The following MCTP1 variants were observed in gnomAD, a reference collection of about 807,000 sequenced individuals.
The protein encoded by MCTP1 is multiple C2 and transmembrane domain-containing protein 1.
MCTP1 carries 69 observed loss-of-function variants against 120.6 expected under a neutral mutation model. The ratio of observed to expected loss-of-function variants is 0.57; its 90% confidence interval spans 0.47 to 0.70. The LOEUF (loss-of-function observed/expected upper bound fraction) is 0.70. Ranked by LOEUF, MCTP1 falls within the 30% of genes least tolerant of loss-of-function variation. The pLI is 0.00. For synonymous variants in MCTP1, 529 were observed against 493.1 expected, an observed-to-expected ratio of 1.07 and a Z score of -0.96; for missense variants, 1,203 against 1,248.8, an observed-to-expected ratio of 0.96 and a Z score of 0.55.
chr5:94,731,708 G>A (rs1228723776), intron 19 of MCTP1, among the ~76,000 whole-genome samples: 1 of 152,100 alleles, frequency 6.6e-6, no homozygotes, highest in Non-Finnish European at 1.5e-5. Context: ...CCAGTATTAT[G>A]AATTAGATGA....
chr5:94,898,451 C>A (rs993613637), intron 10 of MCTP1, among the ~76,000 whole-genome samples: 1 of 152,166 alleles, frequency 6.6e-6, no homozygotes, highest in Non-Finnish European at 1.5e-5. Flanking sequence ...GCATTTGCTA[C>A]CCCCTCATAA....
At chr5:95,142,982 T>C (rs1435215841) in intron 1 of MCTP1, among the ~76,000 whole-genome samples, 9 of 152,128 alleles carry the variant, frequency 5.9e-5, no homozygotes, top group African/African-American at 1.4e-4. Context: ...AAATAAAATA[T>C]ACTGTTTTTT....
chr5:94,837,809 G>C (rs556244062), intron 17 of MCTP1, among the ~76,000 whole-genome samples: 67 of 152,270 alleles, frequency 4.4e-4, no homozygotes, highest in Admixed American at 6.5e-4. Context: ...CCCTACTAAG[G>C]CTCCCAGGTC....
chr5:94,995,311 GGGCCCAAGAATTCACAA>G (rs1256587474), intron 2 of MCTP1, among the ~76,000 whole-genome samples: 1 of 152,100 alleles, frequency 6.6e-6, no homozygotes, highest in African/African-American at 2.4e-5. Context: ...GTCTGGGATG[GGGCCCAAGAATTCACAA>G]GTGTGGGTAC....
chr5:95,067,694 T>G (rs578228857), intron 1 of MCTP1, among the ~76,000 whole-genome samples: 1 of 152,188 alleles, frequency 6.6e-6, no homozygotes, highest in Admixed American at 6.5e-5. Flanking sequence ...AATAATTGTA[T>G]GTATTTATGG....
intron 1 of MCTP1, among the ~76,000 whole-genome samples, chr5:95,096,703 G>A (rs1756295822): frequency 6.6e-6 from 1 of 152,098 alleles, no homozygotes; most frequent in Non-Finnish European, 1.5e-5. Flanking sequence ...TGAAACAAAT[G>A]GGAGCTGAAC....
intron 2 of MCTP1, among the ~76,000 whole-genome samples, chr5:94,964,547 T>C (rs1241229755): frequency 1.3e-5 from 2 of 152,228 alleles, no homozygotes; most frequent in African/African-American, 2.4e-5. Context: ...TGGGTACATA[T>C]ATATTTACAA....
At chr5:95,068,784 C>G (rs921851875) in intron 1 of MCTP1, 2 of 1,274,012 alleles carry the variant, frequency 1.6e-6, no homozygotes, top group Non-Finnish European at 2.0e-6. Context: ...TTGAAACTTA[C>G]GTTTACTGCA....
At chr5:95,259,090 A>G (rs912753803) in intron 1 of MCTP1, among the ~76,000 whole-genome samples, 2 of 152,220 alleles carry the variant, frequency 1.3e-5, no homozygotes, top group Admixed American at 6.5e-5. Flanking sequence ...GAGGCCAAGA[A>G]TAAATTCATC....
At chr5:95,212,510 T>C (rs1278790803) in intron 1 of MCTP1, among the ~76,000 whole-genome samples, 1 of 152,148 alleles carries the variant, frequency 6.6e-6, no homozygotes, top group Non-Finnish European at 1.5e-5. Context: ...CTAACTCATT[T>C]TATGAGGCCA....
chr5:95,154,242 C>T (rs573775249), intron 1 of MCTP1: 1 of 152,074 alleles, frequency 6.6e-6, no homozygotes, highest in Non-Finnish European at 1.5e-5. Flanking sequence ...AGGCACATAC[C>T]TGGGGCTTAG....
intron 17 of MCTP1, chr5:94,826,503 G>C: frequency 1.4e-6 from 1 of 703,160 alleles, no homozygotes; most frequent in South Asian, 1.4e-5. Flanking sequence ...TTTCAGTTCT[G>C]TACATCTGCC....
At chr5:94,982,913 AGAT>A (rs1256267681) in intron 2 of MCTP1, among the ~76,000 whole-genome samples, 7 of 142,318 alleles carry the variant, frequency 4.9e-5, no homozygotes, top group Non-Finnish European at 3.1e-5. Flanking sequence ...AAAAAAAAAA[AGAT>A]GGTCAGGGTG....
At chr5:95,152,123 T>A (rs1383938115) in intron 1 of MCTP1, among the ~76,000 whole-genome samples, 1 of 152,306 alleles carries the variant, frequency 6.6e-6, no homozygotes, top group East Asian at 1.9e-4. Context: ...AAATAGTAAC[T>A]TTAAGAAAAT....
At chr5:94,716,240 A>G (rs1442566137) in intron 19 of MCTP1, among the ~76,000 whole-genome samples, 2 of 152,328 alleles carry the variant, frequency 1.3e-5, no homozygotes, top group African/African-American at 4.8e-5. Flanking sequence ...GCTTATGCCA[A>G]AATGGATTGT....
intron 3 of MCTP1, among the ~76,000 whole-genome samples, chr5:94,946,901 C>T (rs1240282302): frequency 6.6e-6 from 1 of 152,154 alleles, no homozygotes; most frequent in Non-Finnish European, 1.5e-5. Context: ...ATGTTATTCA[C>T]TCTGAATATT....
chr5:95,113,577 C>T (rs964441432), intron 1 of MCTP1, among the ~76,000 whole-genome samples: 1 of 152,188 alleles, frequency 6.6e-6, no homozygotes, highest in African/African-American at 2.4e-5. Flanking sequence ...CCCACCCACA[C>T]AGGGAGTATT....
intron 2 of MCTP1, among the ~76,000 whole-genome samples, chr5:95,002,054 A>G (rs1475406614): frequency 6.6e-6 from 1 of 152,242 alleles, no homozygotes; most frequent in Non-Finnish European, 1.5e-5. Flanking sequence ...GCCAAGGTAC[A>G]GCTTGGGCCA....
intron 17 of MCTP1, among the ~76,000 whole-genome samples, chr5:94,847,182 C>A (rs12518668): frequency 0.072 from 10,998 of 152,148 alleles, 533 homozygotes; most frequent in East Asian, 0.26. Flanking sequence ...GTAACAGGAT[C>A]CCCAGGTGAT....
Sources: allele counts gnomAD v4.1 joint callset (sites outside exome capture counted in the v4.1 genomes callset), GRCh38; gene constraint gnomAD v4.1.1; transcripts MANE v1.5; gene names NCBI Gene and HGNC (gene_info 2026-07-23, HGNC 2026-07-21).